ANTXR1: variants seen among roughly 807,000 people sequenced by gnomAD.
The protein encoded by ANTXR1 is ANTXR cell adhesion molecule 1, also known as anthrax toxin receptor 1.
Under a neutral mutation model 78.1 loss-of-function variants are expected in ANTXR1, and 19 were observed. The ratio of observed to expected loss-of-function variants is 0.24; its 90% CI spans 0.17 to 0.36. The LOEUF (loss-of-function observed/expected upper bound fraction) is 0.36. Ranked by LOEUF, ANTXR1 falls within the 10% of genes least tolerant of loss-of-function variation. The probability of loss-of-function intolerance (pLI) is 1.00; values close to 1 mark genes in which losing one functional copy is unlikely to be tolerated. For missense variants in ANTXR1, 518 were observed against 718.6 expected, an observed-to-expected ratio of 0.72 and a Z score of 3.19; for synonymous variants, 273 against 260.5, an observed-to-expected ratio of 1.05 and a Z score of -0.46.
rs1266171950 is a variant in ANTXR1 at position 69,029,043 on chromosome 2, C to CG, written c.153-11001_153-11000insG. Among the ~76,000 whole-genome samples the CG allele has an allele frequency of 7.3e-5, 7 of 95,648 alleles. No homozygotes were observed. In the South Asian group the frequency reaches 8.9e-4, roughly 12 times the overall value. The allele number at this position is 95,648 out of a possible 152,430, so 62.7% of individuals were successfully genotyped here. On this transcript the variant is annotated intron_variant, in intron 1 of 17. Coordinates refer to ENST00000303714, the MANE Select transcript of ANTXR1 (RefSeq NM_032208.3). The stretch of plus-strand genomic sequence containing the variant: ...ACCAGCCTGGGCAACATGTTGAGAC[C>CG]CCCCCCCCTCCATCTCTACTAAAAA...
intron 10 of ANTXR1, among the ~76,000 whole-genome samples, chr2:69,116,599 G>A (rs903311285): frequency 1.3e-5 from 2 of 152,128 alleles, no homozygotes; most frequent in Non-Finnish European, 2.9e-5. Flanking sequence ...GGGACACTAG[G>A]AGAAACAGCA....
intron 3 of ANTXR1, among the ~76,000 whole-genome samples, chr2:69,050,424 T>C (rs879582547): frequency 4.8e-5 from 7 of 146,326 alleles, no homozygotes; most frequent in Non-Finnish European, 1.0e-4. Context: ...AGCTGAAAGA[T>C]ATTACTTATC....
intron 14 of ANTXR1, among the ~76,000 whole-genome samples, chr2:69,179,711 G>C (rs1674227745): frequency 6.6e-6 from 1 of 152,144 alleles, no homozygotes; most frequent in African/African-American, 2.4e-5. Flanking sequence ...TCACATACAA[G>C]CTGGGTGACC....
At chr2:69,023,959 G>C (rs897401365) in intron 1 of ANTXR1, among the ~76,000 whole-genome samples, 1 of 152,164 alleles carries the variant, frequency 6.6e-6, no homozygotes, top group African/African-American at 2.4e-5. Context: ...AAAGAGTTTG[G>C]ATTTTATTCC....
intron 1 of ANTXR1, among the ~76,000 whole-genome samples, chr2:69,031,412 T>A (rs745614700): frequency 1.3e-5 from 2 of 152,174 alleles, no homozygotes; most frequent in Non-Finnish European, 2.9e-5. Flanking sequence ...ACCATAAATG[T>A]GAAAAAATTA....
intron 1 of ANTXR1, among the ~76,000 whole-genome samples, chr2:69,014,261 G>GT (rs1670956367): frequency 6.6e-6 from 1 of 152,044 alleles, no homozygotes; most frequent in Non-Finnish European, 1.5e-5. Flanking sequence ...TGTCCTGCGC[G>GT]TTGTAGGATG....
chr2:69,089,380 A>G (rs1277834428), intron 8 of ANTXR1, among the ~76,000 whole-genome samples: 1 of 152,180 alleles, frequency 6.6e-6, no homozygotes, highest in African/African-American at 2.4e-5. Flanking sequence ...TGGAATGGGT[A>G]AATATTACCT....
chr2:69,235,004 A>T (rs1364655515), intron 17 of ANTXR1, among the ~76,000 whole-genome samples: 2 of 147,546 alleles, frequency 1.4e-5, no homozygotes, highest in African/African-American at 2.5e-5. Flanking sequence ...AAAAAAAAAA[A>T]GAATGATGAA....
chr2:69,077,510 A>C lies in ANTXR1; in HGVS notation c.642+22A>C, dbSNP rs576892609. On this transcript the variant is annotated intron_variant, in intron 8 of 17. Coordinates refer to ENST00000303714, the MANE Select transcript of ANTXR1 (RefSeq NM_032208.3). The stretch of plus-strand genomic sequence containing the variant: ...CTCAGTAAGTAGAGCTCTTCCTCTG[A>C]GACTAGACATTCAGGCACCTTCCGT... The C allele has an allele frequency of 3.7e-6, 6 of 1,613,358 alleles. No homozygotes were observed. The South Asian group carries it at 5.5e-5, about 15-fold the overall frequency.
At chr2:69,052,499 A>G (rs1363944182) in intron 3 of ANTXR1, among the ~76,000 whole-genome samples, 1 of 152,036 alleles carries the variant, frequency 6.6e-6, no homozygotes, top group African/African-American at 2.4e-5. Context: ...TATCTCTTCT[A>G]TGTGGGTAGC....
At chr2:69,114,944 T>C (rs949046317) in intron 10 of ANTXR1, among the ~76,000 whole-genome samples, 1 of 152,226 alleles carries the variant, frequency 6.6e-6, no homozygotes, top group Non-Finnish European at 1.5e-5. Flanking sequence ...CAGAGTTATA[T>C]CTGTAGGCCC....
intron 3 of ANTXR1, among the ~76,000 whole-genome samples, chr2:69,059,585 T>G (rs1446878409): frequency 6.6e-6 from 1 of 152,156 alleles, no homozygotes; most frequent in East Asian, 1.9e-4. Flanking sequence ...TTCAAGTGAT[T>G]CTCCTGTCTC....
At chr2:69,036,362 C>A (rs981536585) in intron 1 of ANTXR1, among the ~76,000 whole-genome samples, 13 of 152,294 alleles carry the variant, frequency 8.5e-5, no homozygotes, top group African/African-American at 3.1e-4. Context: ...CTTTGTGTAA[C>A]AAACAATCCA....
At chr2:69,211,565 G>A (rs11126227) in intron 17 of ANTXR1, among the ~76,000 whole-genome samples, 51,758 of 152,200 alleles carry the variant, frequency 0.34, 10,079 homozygotes, top group East Asian at 0.69. Flanking sequence ...AAATACATTT[G>A]GAAATTGTTG....
At chr2:69,245,074 C>T in intron 17 of ANTXR1, 151 bp from the exon 18 acceptor site, 1 of 877,502 alleles carries the variant, frequency 1.1e-6, no homozygotes. Flanking sequence ...GGGGAGCTCA[C>T]TTGTCCTCAA....
In ANTXR1 at chr2:69,179,604, T is replaced by C. The variant is rs57138582; in HGVS notation, c.1090-2182T>C. Among the ~76,000 whole-genome samples the C allele has an allele frequency of 7.7e-3, 1,160 of 151,480 alleles. 20 individuals are homozygous for C. Among genetic ancestry groups the C allele is most frequent in the African/African-American group, 0.025 (1,052 of 41,280 alleles). ...GCGTGTATTTGTTGCCATCAAATGATTGGAAAAGCAAACCACAAAAGAACA... is the reference window on the plus strand; with the variant it reads ...GCGTGTATTTGTTGCCATCAAATGACTGGAAAAGCAAACCACAAAAGAACA... On this transcript the variant is annotated intron_variant, in intron 14 of 17. Coordinates refer to ENST00000303714, the MANE Select transcript of ANTXR1 (RefSeq NM_032208.3).
intron 12 of ANTXR1, among the ~76,000 whole-genome samples, chr2:69,136,859 A>C (rs1363508693): frequency 6.6e-6 from 1 of 152,176 alleles, no homozygotes. Flanking sequence ...AGAGAAATAG[A>C]CATGTATAGA....
intron 17 of ANTXR1, among the ~76,000 whole-genome samples, chr2:69,225,481 A>G (rs77010843): frequency 0.057 from 8,711 of 152,202 alleles, 801 homozygotes; most frequent in African/African-American, 0.19. Context: ...TTAAAAATTT[A>G]TTTTTTATTT....
chr2:69,193,251 A>T, intron 16 of ANTXR1, 84 bp from the exon 17 acceptor site: 1 of 1,107,306 alleles, frequency 9.0e-7, no homozygotes, highest in East Asian at 2.4e-5. Flanking sequence ...ATGACTGAAG[A>T]AGCACGGAAA....
Sources: allele counts gnomAD v4.1 joint callset (sites outside exome capture counted in the v4.1 genomes callset), GRCh38; gene constraint gnomAD v4.1.1; transcripts MANE v1.5; gene names NCBI Gene and HGNC (gene_info 2026-07-23, HGNC 2026-07-21).